Variants in GLI2 observed in about 807,000 individuals in gnomAD.
GLI2 encodes transcription activator GLI2.
Under a neutral mutation model 78.9 loss-of-function variants are expected in GLI2, and 22 were observed. That is an observed-to-expected ratio of 0.28 (90% CI 0.20 to 0.40). The LOEUF is 0.40. GLI2 is among the 10% of genes least tolerant of loss of function. GLI2 has a pLI of 1.00. For synonymous variants in GLI2, 974 were observed against 963.7 expected, an observed-to-expected ratio of 1.01 and a Z score of -0.20; for missense variants, 2,097 against 2,213.2, an observed-to-expected ratio of 0.95 and a Z score of 1.05.
intron 2 of GLI2, among the ~76,000 whole-genome samples, chr2:120,823,488 G>A (rs556912258): frequency 2.0e-5 from 3 of 152,220 alleles, no homozygotes; most frequent in African/African-American, 4.8e-5. Flanking sequence ...TAACACCACA[G>A]AGCATTCGGG....
At chr2:120,963,078 C>T (rs1558918700) in intron 5 of GLI2, among the ~76,000 whole-genome samples, 4 of 152,170 alleles carry the variant, frequency 2.6e-5, no homozygotes, top group Non-Finnish European at 4.4e-5. Flanking sequence ...GAATGCAAGC[C>T]GATGAGTGAA....
At chr2:120,916,737 G>A (rs1233822407) in intron 2 of GLI2, among the ~76,000 whole-genome samples, 2 of 152,266 alleles carry the variant, frequency 1.3e-5, no homozygotes, top group Non-Finnish European at 2.9e-5. Flanking sequence ...AACTGTGGAT[G>A]GAGAACTCTG....
intron 2 of GLI2, among the ~76,000 whole-genome samples, chr2:120,919,931 G>C (rs1254360628): frequency 6.6e-6 from 1 of 152,266 alleles, no homozygotes; most frequent in Non-Finnish European, 1.5e-5. Context: ...ACTGAGATGT[G>C]TTTGCGCTGC....
rs1553480327 is a variant in GLI2 at position 120,992,050 on chromosome 2, A to ACACACACACACCCC, written c.*1376_*1377insACACACACACCCCC. ...CACACACACACACACACACACACAC[A>ACACACACACACCCC]CCCCAAACCTTTTCATGGGGAATGT... On this transcript the variant is annotated 3_prime_UTR_variant, in exon 14 of 14. Transcript: ENST00000361492. 5 of 146,998 alleles carry ACACACACACACCCC rather than the reference A, an allele frequency of 3.4e-5. No homozygotes were observed. The highest frequency in any genetic ancestry group is 1.4e-4 in the Admixed American group (2 of 14,712). 9.1% of individuals were successfully genotyped at this position (146,998 alleles called of 1,614,324 possible).
chr2:120,920,278 G>A (rs1321984063), intron 2 of GLI2, among the ~76,000 whole-genome samples: 1 of 152,284 alleles, frequency 6.6e-6, no homozygotes, highest in Non-Finnish European at 1.5e-5. Context: ...CAGCCACGGG[G>A]CAGTGCCTCT....
At chr2:120,802,378 C>T (rs1049819176) in intron 2 of GLI2, among the ~76,000 whole-genome samples, 8 of 152,208 alleles carry the variant, frequency 5.3e-5, no homozygotes, top group Non-Finnish European at 8.8e-5. Flanking sequence ...TAAGAGCAGA[C>T]GGCAGAAGCC....
chr2:120,953,883 G>C lies in GLI2; in HGVS notation c.458-1362G>C, dbSNP rs528873048. On this transcript the variant is annotated intron_variant, in intron 4 of 13. Transcript: ENST00000361492. The stretch of plus-strand genomic sequence containing the variant: ...AAATTTTAAAAAGGAGCTGGGGGTG[G>C]TGAGACAGAGCTGCCCCTGGAGGAG... 2.0e-5 allele frequency among the ~76,000 whole-genome samples: 3 copies of C among 152,298 alleles called. No individual in the cohort carries two copies. The East Asian group carries it at 5.8e-4, about 29-fold the overall frequency.
At chr2:120,955,517 C>A in intron 5 of GLI2, 87 bp downstream of exon 5, 1 of 913,168 alleles carries the variant, frequency 1.1e-6, no homozygotes, top group Non-Finnish European at 1.6e-6. Context: ...CTTTTGGGGA[C>A]AAGGACCCTT....
chr2:120,923,520 C>T (rs1359523512), intron 2 of GLI2, among the ~76,000 whole-genome samples: 1 of 151,914 alleles, frequency 6.6e-6, no homozygotes, highest in Non-Finnish European at 1.5e-5. Flanking sequence ...GCACATATAA[C>T]ATCCATGCAT....
intron 5 of GLI2, among the ~76,000 whole-genome samples, chr2:120,966,520 G>C (rs1260664699): frequency 6.6e-6 from 1 of 151,796 alleles, no homozygotes; most frequent in Non-Finnish European, 1.5e-5. Context: ...AGGCTGTTAG[G>C]AGAGAAAACC....
intron 2 of GLI2, among the ~76,000 whole-genome samples, chr2:120,896,071 A>G (rs277539): frequency 0.51 from 78,038 of 152,078 alleles, 23,655 homozygotes; most frequent in African/African-American, 0.85. Flanking sequence ...TAGGGTTGTG[A>G]TTCATCAAGC....
chr2:120,796,595 C>T (rs542227189), intron 1 of GLI2, among the ~76,000 whole-genome samples: 1 of 152,306 alleles, frequency 6.6e-6, no homozygotes, highest in South Asian at 2.1e-4. Context: ...GGCAGCGCTG[C>T]CCCGCTGTGC....
chr2:120,839,325 A>G (rs1009089732), intron 2 of GLI2, among the ~76,000 whole-genome samples: 1 of 152,306 alleles, frequency 6.6e-6, no homozygotes, highest in Middle Eastern at 3.4e-3. Context: ...TTGGTTTCTT[A>G]ACGTTTTTTA....
intron 2 of GLI2, among the ~76,000 whole-genome samples, chr2:120,855,996 G>A (rs1687626437): frequency 6.6e-6 from 1 of 152,176 alleles, no homozygotes; most frequent in East Asian, 1.9e-4. Context: ...TGGGGACCTG[G>A]ATTATCTCGT....
chr2:120,841,848 GGTGTGTGTGTGTGTGTGTGTGTGTGT>G (rs555474895), intron 2 of GLI2, among the ~76,000 whole-genome samples: 1 of 132,636 alleles, frequency 7.5e-6, no homozygotes, highest in Non-Finnish European at 1.6e-5. Flanking sequence ...CAGTCTGGAG[GGTGTGTGTGTGTGTGTGTGTGTGTGT>G]GTGTGTGTGT....
At chr2:120,984,036 C>G (rs1332266894) in intron 11 of GLI2, among the ~76,000 whole-genome samples, 1 of 151,666 alleles carries the variant, frequency 6.6e-6, no homozygotes, top group Non-Finnish European at 1.5e-5. Flanking sequence ...CACCCCATTA[C>G]TGGATGACTT....
At chr2:120,751,306 T>C (rs892567060) in intron 1 of GLI2, among the ~76,000 whole-genome samples, 6 of 152,220 alleles carry the variant, frequency 3.9e-5, no homozygotes, top group African/African-American at 9.7e-5. Context: ...TTCTAGTCTT[T>C]TTTTCCTGTG....
At chr2:120,798,859 A>G (rs1684546697) in intron 2 of GLI2, among the ~76,000 whole-genome samples, 1 of 152,188 alleles carries the variant, frequency 6.6e-6, no homozygotes, top group African/African-American at 2.4e-5. Flanking sequence ...GGGGGCACCT[A>G]AAGCTGCCCC....
At chr2:120,985,119 C>G (rs1299789712) in intron 12 of GLI2, among the ~76,000 whole-genome samples, 1 of 152,224 alleles carries the variant, frequency 6.6e-6, no homozygotes, top group Admixed American at 6.5e-5. Flanking sequence ...ACCCCTCTGG[C>G]GTCCACTCCT....
Sources: allele counts gnomAD v4.1 joint callset (sites outside exome capture counted in the v4.1 genomes callset), GRCh38; gene constraint gnomAD v4.1.1; transcripts MANE v1.5; gene names NCBI Gene and HGNC (gene_info 2026-07-23, HGNC 2026-07-21).